CACNA1C: variants seen among roughly 807,000 people sequenced by gnomAD.
CACNA1C encodes the protein calcium voltage-gated channel subunit alpha1 C.
CACNA1C carries 30 observed loss-of-function variants against 229.0 expected under a neutral mutation model. That is an observed-to-expected ratio of 0.13 (90% CI 0.10 to 0.18). The LOEUF (loss-of-function observed/expected upper bound fraction) is 0.18. CACNA1C is among the 10% of genes least tolerant of loss of function. CACNA1C has a pLI of 1.00. For synonymous variants in CACNA1C, 1,114 were observed against 1,132.5 expected, an observed-to-expected ratio of 0.98 and a Z score of 0.33; for missense variants, 1,658 against 2,845.0, an observed-to-expected ratio of 0.58 and a Z score of 9.49.
intron 38 of CACNA1C, among the ~76,000 whole-genome samples, chr12:2,672,904 C>T (rs10505724): frequency 0.88 from 133,972 of 152,248 alleles, 59,029 homozygotes; most frequent in African/African-American, 0.92. Context: ...GTGATGGGGA[C>T]TGATCATCTG....
chr12:2,299,671 G>C (rs995762473), intron 3 of CACNA1C, among the ~76,000 whole-genome samples: 3 of 152,148 alleles, frequency 2.0e-5, no homozygotes, highest in African/African-American at 7.2e-5. Context: ...CTTAGGAATA[G>C]TGAAGCTTCC....
intron 3 of CACNA1C, among the ~76,000 whole-genome samples, chr12:2,359,404 A>G (rs2154530076): frequency 6.6e-6 from 1 of 152,308 alleles, no homozygotes; most frequent in South Asian, 2.1e-4. Context: ...CAAGGAGACA[A>G]TGGAGTATTT....
At chr12:2,200,422 T>C (rs1054861856) in intron 3 of CACNA1C, among the ~76,000 whole-genome samples, 1 of 152,134 alleles carries the variant, frequency 6.6e-6, no homozygotes, top group African/African-American at 2.4e-5. Flanking sequence ...GGGTGGGTGG[T>C]AGGTTGCTAC....
At chr12:2,466,302 A>G (rs979947973) in intron 5 of CACNA1C, among the ~76,000 whole-genome samples, 4 of 152,212 alleles carry the variant, frequency 2.6e-5, no homozygotes, top group African/African-American at 4.8e-5. Context: ...GGCTCCCAGG[A>G]AAGTGTTTTC....
At chr12:2,610,723 C>T (rs2077241754) in intron 28 of CACNA1C, 24 bp downstream of exon 28, 1 of 1,612,824 alleles carries the variant, frequency 6.2e-7, no homozygotes, top group East Asian at 2.2e-5. Flanking sequence ...GGAGCACAGC[C>T]ATGGTGCTGC....
At chr12:2,295,808 G>A (rs1288916090) in intron 3 of CACNA1C, among the ~76,000 whole-genome samples, 1 of 152,232 alleles carries the variant, frequency 6.6e-6, no homozygotes, top group Non-Finnish European at 1.5e-5. Flanking sequence ...CTAGTAAGTG[G>A]CAAATGTGGA....
At position 2,610,624 on chromosome 12, in the gene CACNA1C, C is replaced by T. The variant is rs56394008; in HGVS notation, c.3642C>T (p.Tyr1214=). 2,306 of 1,614,132 alleles carry T rather than the reference C, an allele frequency of 1.4e-3. 3 individuals carry two copies. Among genetic ancestry groups the T allele is most frequent in the Non-Finnish European group, 1.8e-3 (2,137 of 1,179,932 alleles). Reference sequence around the variant, plus strand: ...ACCAGCACCAGTACAAAGTGTGGTACGTGGTCAACTCCACCTACTTCGAGT... The same window carrying T: ...ACCAGCACCAGTACAAAGTGTGGTATGTGGTCAACTCCACCTACTTCGAGT... ...PKNQHQYKVW[Y]VVNSTYFEYL... The change falls in exon 28 of 47, where the codon TAC becomes TAT. Residue 1214 remains tyrosine (Y), a synonymous_variant. Transcript: ENST00000399655.
chr12:2,232,227 GTTT>G (rs1169407536), intron 3 of CACNA1C, among the ~76,000 whole-genome samples: 79 of 73,542 alleles, frequency 1.1e-3, no homozygotes, highest in African/African-American at 2.1e-3. Flanking sequence ...GTCTTTCCTT[GTTT>G]TTTTTTTTTT....
chr12:2,444,681 A>C (rs2099261414), intron 3 of CACNA1C, among the ~76,000 whole-genome samples: 1 of 152,124 alleles, frequency 6.6e-6, no homozygotes, highest in Admixed American at 6.5e-5. Flanking sequence ...TGCTGCAGTG[A>C]GAGGCATCAC....
intron 1 of CACNA1C, among the ~76,000 whole-genome samples, chr12:2,018,671 A>G (rs2154486348): frequency 6.6e-6 from 1 of 152,342 alleles, no homozygotes; most frequent in South Asian, 2.1e-4. Context: ...CCTCTGTCTT[A>G]ATAAGCACAA....
At chr12:2,308,996 T>C (rs2095266398) in intron 3 of CACNA1C, among the ~76,000 whole-genome samples, 1 of 152,182 alleles carries the variant, frequency 6.6e-6, no homozygotes, top group Non-Finnish European at 1.5e-5. Flanking sequence ...TCTGGGTGTA[T>C]ATCTAAAGGA....
At chr12:2,535,663 A>G (rs1276277510) in intron 9 of CACNA1C, among the ~76,000 whole-genome samples, 4 of 141,926 alleles carry the variant, frequency 2.8e-5, no homozygotes, top group Non-Finnish European at 6.0e-5. Flanking sequence ...CTGTGATCAC[A>G]CCAGTGCACT....
intron 39 of CACNA1C, 96 bp from the exon 40 acceptor site, chr12:2,676,998 T>C (rs2096854684): frequency 1.9e-6 from 2 of 1,042,270 alleles, no homozygotes; most frequent in Admixed American, 2.2e-5. Flanking sequence ...TATTAAAGTT[T>C]TAAAAAGTTT....
At position 2,611,772 on chromosome 12, in the gene CACNA1C, C is replaced by T. The variant is rs34766864; in HGVS notation, c.3718-131C>T. The T allele has an allele frequency of 0.01, 6,150 of 612,030 alleles. 36 individuals carry two copies. The highest frequency in any genetic ancestry group is 0.013 in the Non-Finnish European group (4,575 of 340,608). The allele number at this position is 612,030 out of a possible 1,614,324, so 37.9% of individuals were successfully genotyped here. On this transcript the variant is annotated intron_variant, in intron 28 of 46. Transcript: ENST00000399655. The stretch of plus-strand genomic sequence containing the variant: ...TCCTGACTGCCCACGGAGAGGTGGG[C>T]GGCCCTCTGGGGGTTTGGTTCAAGG...
In CACNA1C at chr12:2,053,580, G is replaced by T. The variant is rs376806516; in HGVS notation, c.18G>T (p.Thr6=). The change falls in exon 1 of 47, where the codon ACG becomes ACT. Residue 6 remains threonine, a synonymous_variant. Transcript: ENST00000399655. This position sits in a 1 kb window ranked among gnomAD's most constrained non-coding sequence, Gnocchi z 5.8. The stretch of plus-strand genomic sequence containing the variant: ...TTTGGTCCATGGTCAATGAGAATAC[G>T]AGGATGTACATTCCAGAGGAAAACC... MVNEN[T]RMYIPEENHQ... 1.9e-6 allele frequency: 3 copies of T among 1,600,938 alleles called. No individual in the cohort carries two copies. Among genetic ancestry groups the T allele is most frequent in the Non-Finnish European group, 2.6e-6 (3 of 1,173,856 alleles).
At chr12:2,452,165 C>CCTGCCTGCCTA (rs2099384974) in intron 4 of CACNA1C, among the ~76,000 whole-genome samples, 1 of 152,176 alleles carries the variant, frequency 6.6e-6, no homozygotes, top group African/African-American at 2.4e-5. Flanking sequence ...GAAAGGTGGA[C>CCTGCCTGCCTA]CTGCCTGCCT....
In CACNA1C at chr12:2,067,484, G is replaced by GC. The variant is rs2059789107; in HGVS notation, c.49+13874dup. On this transcript the variant is annotated intron_variant, in intron 1 of 46. Transcript: ENST00000399655. This position sits in a 1 kb window ranked among gnomAD's most constrained non-coding sequence, Gnocchi z 5.3. ...TGTGTGTGTGTGTGTGTGTGTGTGC[G>GC]CGCGTGTGCGTGCCTGTATGTAAGG... Among the ~76,000 whole-genome samples the GC allele has an allele frequency of 6.8e-6, 1 of 147,036 alleles. No individual in the cohort carries two copies. Among genetic ancestry groups the GC allele is most frequent in the Non-Finnish European group, 1.5e-5 (1 of 67,666 alleles).
intron 3 of CACNA1C, among the ~76,000 whole-genome samples, chr12:2,377,498 G>A (rs974219530): frequency 2.0e-5 from 3 of 152,122 alleles, no homozygotes; most frequent in African/African-American, 7.2e-5. Context: ...GGCCCCTGAC[G>A]TCGAGGGATT....
At chr12:2,604,492 C>T (rs2074336301) in intron 22 of CACNA1C, among the ~76,000 whole-genome samples, 1 of 151,766 alleles carries the variant, frequency 6.6e-6, no homozygotes, top group Non-Finnish European at 1.5e-5. Context: ...CCTCCAGCCA[C>T]AAGGCCCGAG....
Sources: gnomAD v4.1 joint callset for allele counts (sites outside exome capture counted in the v4.1 genomes callset) on GRCh38, gnomAD v4.1.1 for gene constraint, Gnocchi (gnomAD v3.1) non-coding constraint, MANE v1.5 for transcripts, NCBI Gene and HGNC (gene_info 2026-07-23, HGNC 2026-07-21) for gene names.